DDR2: variants seen among roughly 807,000 people sequenced by gnomAD.
DDR2 encodes discoidin domain receptor tyrosine kinase 2, also known as discoidin domain-containing receptor 2.
Under a neutral mutation model 94.9 loss-of-function variants are expected in DDR2, and 27 were observed. The ratio of observed to expected loss-of-function variants is 0.28; its 90% CI spans 0.21 to 0.39. The LOEUF (loss-of-function observed/expected upper bound fraction) is 0.39. Ranked by LOEUF, DDR2 falls within the 10% of genes least tolerant of loss-of-function variation. DDR2 has a pLI of 1.00. For synonymous variants in DDR2, 382 were observed against 377.2 expected (o/e 1.01, Z -0.15); for missense variants, 783 against 1,076.0 (o/e 0.73, Z 3.81).
At chr1:162,676,446 G>A (rs1045947925) in intron 2 of DDR2, among the ~76,000 whole-genome samples, 3 of 152,196 alleles carry the variant, frequency 2.0e-5, no homozygotes, top group Non-Finnish European at 2.9e-5. Flanking sequence ...TGAAGGAGGA[G>A]AAAATATGTT....
At chr1:162,725,148 C>T (rs1483022365) in intron 3 of DDR2, among the ~76,000 whole-genome samples, 2 of 152,002 alleles carry the variant, frequency 1.3e-5, no homozygotes, top group Admixed American at 6.6e-5. Context: ...TCACAATAAT[C>T]TTATTAGTAT....
At chr1:162,687,182 C>T (rs1659727432) in intron 2 of DDR2, among the ~76,000 whole-genome samples, 1 of 152,200 alleles carries the variant, frequency 6.6e-6, no homozygotes, top group South Asian at 2.1e-4. Context: ...AGTTGTACCT[C>T]TCTGATTTCC....
chr1:162,749,888 A>C (rs1663090585), intron 3 of DDR2, among the ~76,000 whole-genome samples: 1 of 152,248 alleles, frequency 6.6e-6, no homozygotes, highest in Admixed American at 6.5e-5. Context: ...TCCGTCATAT[A>C]AACAGAACCA....
Position 162,776,044 on chromosome 1 carries a change from A to G in DDR2, c.2049-92A>G, listed in dbSNP as rs1007510499. 48 of 1,359,464 alleles carry G rather than the reference A, an allele frequency of 3.5e-5. No individual in the cohort carries two copies. The Admixed American group carries it at 7.1e-4, about 20-fold the overall frequency. The allele number at this position is 1,359,464 out of a possible 1,614,324, so 84.2% of individuals were successfully genotyped here. On this transcript the variant is annotated intron_variant, in intron 15 of 17. Coordinates refer to ENST00000367921, the MANE Select transcript of DDR2 (RefSeq NM_006182.4). ...GTAGAGAAAGAATGTTGAGCTTTCA[A>G]CCCTAGTTTGTTGATACCATTTTAG...
intron 3 of DDR2, among the ~76,000 whole-genome samples, chr1:162,723,235 C>G (rs1358487152): frequency 6.6e-6 from 1 of 152,066 alleles, no homozygotes; most frequent in Admixed American, 6.5e-5. Context: ...GGGTGAGGAA[C>G]ATTTGGGGCT....
intron 16 of DDR2, chr1:162,777,710 T>G (rs1424543372): frequency 6.6e-6 from 1 of 152,318 alleles, no homozygotes; most frequent in African/African-American, 2.4e-5. Context: ...TTCATTTTTC[T>G]GATCTAAAAA....
In DDR2 at chr1:162,778,587, T is replaced by C; in HGVS notation, c.2291T>C (p.Phe764Ser). The change falls in exon 17 of 18, where the codon TTC becomes TCC. Residue 764 changes from phenylalanine to serine, a missense_variant. Transcript: ENST00000367921. ...MSWESILLGK[F>S]TTASDVWAFG... ...TTTTCTTTACTTAAATAGGGCAAGT[T>C]CACTACAGCAAGTGATGTGTGGGCC... is the stretch of plus-strand genomic sequence containing the variant. 6.2e-7 allele frequency: 1 copy of C among 1,614,008 alleles called. No homozygotes were observed. Among genetic ancestry groups the C allele is most frequent in the Non-Finnish European group, 8.5e-7 (1 of 1,179,894 alleles).
intron 2 of DDR2, among the ~76,000 whole-genome samples, chr1:162,685,987 A>G (rs12058722): frequency 0.046 from 7,034 of 152,230 alleles, 539 homozygotes; most frequent in African/African-American, 0.16. Flanking sequence ...ACCGAAGAAG[A>G]GGGACTGTGT....
At chr1:162,760,030 G>C (rs772392868) in intron 8 of DDR2, 51 bp downstream of exon 8, 89 of 1,612,950 alleles carry the variant, frequency 5.5e-5, no homozygotes, top group Non-Finnish European at 7.1e-5. Flanking sequence ...ACAAATCATA[G>C]TGTGGTAGAG....
At chr1:162,689,448 G>A (rs1331248364) in intron 2 of DDR2, among the ~76,000 whole-genome samples, 2 of 152,168 alleles carry the variant, frequency 1.3e-5, no homozygotes, top group African/African-American at 4.8e-5. Flanking sequence ...AACCTAGGCA[G>A]TTAAGGCCTA....
chr1:162,748,067 C>A (rs1178229632), intron 3 of DDR2, among the ~76,000 whole-genome samples: 1 of 152,190 alleles, frequency 6.6e-6, no homozygotes, highest in Non-Finnish European at 1.5e-5. Context: ...TAAACACCAT[C>A]GATGCTAGGA....
chr1:162,732,383 C>A (rs1201676475), intron 3 of DDR2, among the ~76,000 whole-genome samples: 2 of 152,186 alleles, frequency 1.3e-5, no homozygotes, highest in African/African-American at 4.8e-5. Flanking sequence ...AGTGGACTAC[C>A]TTGTCCTTTC....
rs1361758501 is a variant in DDR2 at position 162,775,664 on chromosome 1, T to C, written c.1869T>C (p.Leu623=). The change falls in exon 15 of 18, where the codon CTT becomes CTC. Residue 623 remains leucine (L), a synonymous_variant. Transcript: ENST00000367921. ...GTATCCTCCCAAGGAATGATTTTCT[T>C]AAGGAGATAAAGATCATGTCTCGGC... ...DANKNARNDF[L]KEIKIMSRLK... 3 of 1,614,052 alleles carry C rather than the reference T, an allele frequency of 1.9e-6. No homozygotes were observed. The African/African-American group carries it at 4.0e-5, about 22-fold the overall frequency.
At chr1:162,746,881 GAGTGGA>G (rs1553250923) in intron 3 of DDR2, among the ~76,000 whole-genome samples, 14 of 152,358 alleles carry the variant, frequency 9.2e-5, no homozygotes. Context: ...ACAGGGTCTG[GAGTGGA>G]CCTCCAGCAA....
intron 3 of DDR2, among the ~76,000 whole-genome samples, chr1:162,739,724 A>G (rs984654884): frequency 6.6e-6 from 1 of 152,248 alleles, no homozygotes; most frequent in Non-Finnish European, 1.5e-5. Flanking sequence ...TAAAAGATAC[A>G]TGGGAAAAGG....
At chr1:162,709,449 A>T (rs1432874498) in intron 2 of DDR2, among the ~76,000 whole-genome samples, 1 of 152,194 alleles carries the variant, frequency 6.6e-6, no homozygotes, top group African/African-American at 2.4e-5. Context: ...GCCCCTGGGG[A>T]GGTCACTTTG....
At chr1:162,638,439 T>A (rs1656950184) in intron 1 of DDR2, among the ~76,000 whole-genome samples, 1 of 152,214 alleles carries the variant, frequency 6.6e-6, no homozygotes, top group South Asian at 2.1e-4. Flanking sequence ...AACTCCCATA[T>A]CCCCATGGTA....
intron 2 of DDR2, among the ~76,000 whole-genome samples, chr1:162,712,573 C>T (rs1660968452): frequency 6.6e-6 from 1 of 151,962 alleles, no homozygotes; most frequent in East Asian, 1.9e-4. Flanking sequence ...TGGGGGCAGT[C>T]CTGAGATGGA....
At chr1:162,680,053 C>T (rs762658184) in intron 2 of DDR2, among the ~76,000 whole-genome samples, 2 of 151,862 alleles carry the variant, frequency 1.3e-5, no homozygotes, top group African/African-American at 4.8e-5. Context: ...TCTGTTGTTC[C>T]CCTCCTAGTT....
Sources: gnomAD v4.1 joint callset for allele counts (sites outside exome capture counted in the v4.1 genomes callset) on GRCh38, gnomAD v4.1.1 for gene constraint, MANE v1.5 for transcripts, NCBI Gene and HGNC (gene_info 2026-07-23, HGNC 2026-07-21) for gene names.